DCC: variants seen among roughly 807,000 people sequenced by gnomAD.
DCC encodes netrin receptor DCC.
A neutral mutation model predicts 172.5 loss-of-function variants in DCC; 58 were observed. The observed-to-expected ratio is 0.34, with a 90% CI of 0.27 to 0.42. The LOEUF (loss-of-function observed/expected upper bound fraction) is 0.42. Among genes scored for constraint, DCC ranks in the 10% least tolerant of loss-of-function variants. DCC has a pLI of 1.00. For missense variants in DCC, 1,740 were observed against 1,791.0 expected (o/e 0.97, Z 0.51); for synonymous variants, 709 against 644.5 (o/e 1.10, Z -1.52).
intron 15 of DCC, among the ~76,000 whole-genome samples, chr18:53,343,213 A>C (rs1420400851): frequency 6.6e-6 from 1 of 151,886 alleles, no homozygotes; most frequent in Non-Finnish European, 1.5e-5. Flanking sequence ...TACTGGATAA[A>C]AGTGCTGAAA....
intron 14 of DCC, among the ~76,000 whole-genome samples, chr18:53,324,063 G>C (rs2057440266): frequency 6.6e-6 from 1 of 152,108 alleles, no homozygotes; most frequent in Non-Finnish European, 1.5e-5. Flanking sequence ...GAATTAATTA[G>C]AATTGCATTT....
At chr18:53,346,757 C>A (rs2057730673) in intron 15 of DCC, among the ~76,000 whole-genome samples, 1 of 152,150 alleles carries the variant, frequency 6.6e-6, no homozygotes, top group African/African-American at 2.4e-5. Context: ...TCAACATCTG[C>A]ACCATTTGGG....
intron 1 of DCC, among the ~76,000 whole-genome samples, chr18:52,671,094 G>C (rs2035543762): frequency 6.6e-6 from 1 of 152,128 alleles, no homozygotes; most frequent in Non-Finnish European, 1.5e-5. Flanking sequence ...CATTAACTTA[G>C]TGACCCCTGC....
intron 27 of DCC, among the ~76,000 whole-genome samples, chr18:53,504,692 G>T (rs1330010765): frequency 6.6e-6 from 1 of 152,160 alleles, no homozygotes; most frequent in African/African-American, 2.4e-5. Context: ...TAATAAATTA[G>T]TATTTCCTCT....
chr18:53,075,125 A>ATAT (rs2042707270), intron 7 of DCC, among the ~76,000 whole-genome samples: 1 of 152,238 alleles, frequency 6.6e-6, no homozygotes, highest in Non-Finnish European at 1.5e-5. Flanking sequence ...TAGTAAACAC[A>ATAT]TATTTTAATG....
At chr18:52,531,977 T>C (rs1279404077) in intron 1 of DCC, among the ~76,000 whole-genome samples, 2 of 152,182 alleles carry the variant, frequency 1.3e-5, no homozygotes, top group African/African-American at 2.4e-5. Flanking sequence ...TGTGAGCCAA[T>C]CTCATTTCCA....
intron 13 of DCC, among the ~76,000 whole-genome samples, chr18:53,306,374 A>C (rs534655628): frequency 6.6e-6 from 1 of 152,332 alleles, no homozygotes; most frequent in African/African-American, 2.4e-5. Flanking sequence ...TTTCAACGTA[A>C]TACCTTTAAA....
intron 27 of DCC, among the ~76,000 whole-genome samples, chr18:53,511,869 G>A (rs2046258732): frequency 6.6e-6 from 1 of 152,210 alleles, no homozygotes; most frequent in Admixed American, 6.5e-5. Flanking sequence ...CAAACTGCAA[G>A]GCGGCAGCGA....
intron 8 of DCC, among the ~76,000 whole-genome samples, chr18:53,166,721 A>C (rs2054928141): frequency 6.6e-6 from 1 of 152,190 alleles, no homozygotes. Flanking sequence ...AATTCAATAA[A>C]AAACAATTTT....
At chr18:53,170,138 G>A (rs1412246277) in intron 8 of DCC, among the ~76,000 whole-genome samples, 1 of 152,142 alleles carries the variant, frequency 6.6e-6, no homozygotes, top group Non-Finnish European at 1.5e-5. Context: ...TTTGTATAAT[G>A]TTAGCAATTA....
intron 1 of DCC, among the ~76,000 whole-genome samples, chr18:52,589,772 G>T (rs1240725033): frequency 1.3e-5 from 2 of 152,162 alleles, no homozygotes; most frequent in African/African-American, 4.8e-5. Flanking sequence ...GGAAAACAGA[G>T]AACTTAGAAG....
chr18:53,358,905 T>G (rs2057912909), intron 15 of DCC, among the ~76,000 whole-genome samples: 1 of 152,172 alleles, frequency 6.6e-6, no homozygotes, highest in South Asian at 2.1e-4. Flanking sequence ...ATAAGTGTGG[T>G]CACATAGTTT....
chr18:53,410,446 A>G lies in DCC; in HGVS notation c.2936-6A>G, dbSNP rs1354170612. 1.3e-6 allele frequency: 2 copies of G among 1,585,526 alleles called. No homozygotes were observed. The highest frequency in any genetic ancestry group is 1.7e-6 in the Non-Finnish European group (2 of 1,154,248). ...CAAATTAAGTCACATTTGTCTATTT[A>G]TGCAGCTTACATCTTATTTTATACC... On this transcript the variant is annotated splice_polypyrimidine_tract_variant and splice_region_variant and intron_variant, in intron 19 of 28. Transcript: ENST00000442544.
chr18:52,845,838 T>A (rs1363674111), intron 2 of DCC, among the ~76,000 whole-genome samples: 2 of 152,198 alleles, frequency 1.3e-5, no homozygotes, highest in Non-Finnish European at 2.9e-5. Flanking sequence ...GTACAGACAT[T>A]ACTTGATTGG....
intron 5 of DCC, among the ~76,000 whole-genome samples, chr18:52,943,518 T>C (rs2040494929): frequency 6.6e-6 from 1 of 152,214 alleles, no homozygotes; most frequent in Admixed American, 6.5e-5. Context: ...AAAAATGTTT[T>C]GTAATCTCTA....
intron 1 of DCC, among the ~76,000 whole-genome samples, chr18:52,662,827 C>A (rs1461935875): frequency 6.6e-6 from 1 of 152,108 alleles, no homozygotes; most frequent in Non-Finnish European, 1.5e-5. Flanking sequence ...GATTAAGGTG[C>A]CTGCTTTCTG....
At chr18:52,938,536 CATT>C (rs901104810) in intron 5 of DCC, among the ~76,000 whole-genome samples, 6 of 152,044 alleles carry the variant, frequency 3.9e-5, no homozygotes. Context: ...ATCATAGTAT[CATT>C]ATTTATACCT....
intron 7 of DCC, among the ~76,000 whole-genome samples, chr18:53,093,145 G>C (rs973587495): frequency 6.6e-6 from 1 of 152,066 alleles, no homozygotes; most frequent in Non-Finnish European, 1.5e-5. Context: ...AGCTGGGCGT[G>C]GGGGTGCATG....
chr18:53,445,727 TATTAA>T (rs1396838425), intron 22 of DCC, among the ~76,000 whole-genome samples: 1 of 152,170 alleles, frequency 6.6e-6, no homozygotes, highest in African/African-American at 2.4e-5. Context: ...GTATTTGCTT[TATTAA>T]ATTTAGAAGG....
Sources: allele counts gnomAD v4.1 joint callset (sites outside exome capture counted in the v4.1 genomes callset), GRCh38; gene constraint gnomAD v4.1.1; transcripts MANE v1.5; gene names NCBI Gene and HGNC (gene_info 2026-07-23, HGNC 2026-07-21).